SBF2: variants seen among roughly 807,000 people sequenced by gnomAD.
SBF2 encodes myotubularin-related protein 13.
SBF2 carries 112 observed loss-of-function variants against 225.2 expected under a neutral mutation model. The observed-to-expected ratio is 0.50, with a 90% CI of 0.43 to 0.58. The LOEUF is 0.58. Ranked by LOEUF, SBF2 falls within the 20% of genes least tolerant of loss-of-function variation. The pLI, the probability that SBF2 is intolerant of heterozygous loss-of-function variation, is 0.00. For missense variants in SBF2, 1,996 were observed against 2,206.2 expected, an observed-to-expected ratio of 0.90 and a Z score of 1.91; for synonymous variants, 763 against 773.3, an observed-to-expected ratio of 0.99 and a Z score of 0.22.
At chr11:9,880,441 C>T (rs535851568) in intron 17 of SBF2, among the ~76,000 whole-genome samples, 1 of 152,306 alleles carries the variant, frequency 6.6e-6, no homozygotes, top group African/African-American at 2.4e-5. Flanking sequence ...GAGGCTGCCC[C>T]TTAGATGGGA....
chr11:10,304,262 C>A (rs1204313263), intron 1 of SBF2, among the ~76,000 whole-genome samples: 1 of 152,124 alleles, frequency 6.6e-6, no homozygotes, highest in Non-Finnish European at 1.5e-5. Flanking sequence ...TCAGTCCTCA[C>A]GTTTACGATG....
chr11:10,060,478 T>C (rs181102724), intron 2 of SBF2, among the ~76,000 whole-genome samples: 1 of 152,278 alleles, frequency 6.6e-6, no homozygotes. Flanking sequence ...AATATTCCTA[T>C]AGAAACTATT....
At chr11:9,939,404 C>A (rs1372718598) in intron 16 of SBF2, among the ~76,000 whole-genome samples, 1 of 152,032 alleles carries the variant, frequency 6.6e-6, no homozygotes, top group African/African-American at 2.4e-5. Flanking sequence ...CCTAAACATG[C>A]ATTTAAAATA....
chr11:9,875,760 G>A (rs1323143475), intron 17 of SBF2, among the ~76,000 whole-genome samples: 3 of 152,208 alleles, frequency 2.0e-5, no homozygotes, highest in Non-Finnish European at 4.4e-5. Flanking sequence ...GGAGGGGTAG[G>A]AGAAATTGAA....
chr11:9,934,405 G>A (rs1169792605), intron 16 of SBF2, among the ~76,000 whole-genome samples: 1 of 152,144 alleles, frequency 6.6e-6, no homozygotes, highest in African/African-American at 2.4e-5. Flanking sequence ...CATTCCTTCT[G>A]AAACTCTTCC....
chr11:9,856,387 ATAT>A (rs1857314537), intron 19 of SBF2, 68 bp downstream of exon 19: 1 of 1,589,482 alleles, frequency 6.3e-7, no homozygotes, highest in African/African-American at 1.3e-5. Context: ...AAAATGTTTA[ATAT>A]TATCTGTCAA....
Position 10,133,382 on chromosome 11 carries a change from C to T in SBF2, c.141+60520G>A, listed in dbSNP as rs547007814. On this transcript the variant is annotated intron_variant, in intron 2 of 39. Coordinates refer to ENST00000256190, the MANE Select transcript of SBF2 (RefSeq NM_030962.4). ...TGGTGCTTGTCGGGGAGGCTCGGGC[C>T]GCACAGGAGCCCATGGAGTGGGTGG... 2.4e-4 allele frequency among the ~76,000 whole-genome samples: 36 copies of T among 149,588 alleles called. 1 individual carries two copies. Among genetic ancestry groups the T allele is most frequent in the African/African-American group, 7.4e-4 (30 of 40,678 alleles).
intron 16 of SBF2, among the ~76,000 whole-genome samples, chr11:9,901,206 T>A (rs1031912204): frequency 6.6e-6 from 1 of 152,180 alleles, no homozygotes; most frequent in Non-Finnish European, 1.5e-5. Flanking sequence ...GACCAAAATA[T>A]AAGTAGAAAC....
intron 17 of SBF2, among the ~76,000 whole-genome samples, chr11:9,866,765 A>C (rs1242649164): frequency 6.6e-6 from 1 of 152,362 alleles, no homozygotes; most frequent in Non-Finnish European, 1.5e-5. Flanking sequence ...TCCATAGCAA[A>C]GGAAACAATT....
chr11:9,839,565 A>G lies in SBF2; in HGVS notation c.3388T>C (p.Ser1130Pro), dbSNP rs1474888307. The change falls in exon 26 of 40, where the codon TCT becomes CCT. Residue 1130 changes from serine (S) to proline (P), a missense_variant. Coordinates refer to ENST00000256190, the MANE Select transcript of SBF2 (RefSeq NM_030962.4). ...RLGLGTISGS[S>P]SRSRPEYFRI... Reference sequence around the variant, plus strand: ...AAATACTCGGGTCTTGAACGGGAAGAGCTGCCACTTATGGTTCCTAAACCT... The same window carrying G: ...AAATACTCGGGTCTTGAACGGGAAGGGCTGCCACTTATGGTTCCTAAACCT... 6.2e-7 allele frequency: 1 copy of G among 1,614,176 alleles called. No individual in the cohort carries two copies. Among genetic ancestry groups the G allele is most frequent in the East Asian group, 2.2e-5 (1 of 44,878 alleles).
At chr11:10,112,826 T>C (rs1590983344) in intron 2 of SBF2, among the ~76,000 whole-genome samples, 1 of 148,618 alleles carries the variant, frequency 6.7e-6, no homozygotes, top group Non-Finnish European at 1.5e-5. Context: ...TACTGAAGTA[T>C]GCTGACAACA....
At chr11:9,999,331 A>ATGTAT (rs1554979974) in intron 8 of SBF2, among the ~76,000 whole-genome samples, 12 of 140,852 alleles carry the variant, frequency 8.5e-5, no homozygotes, top group African/African-American at 2.7e-4. Context: ...GTATGTATGT[A>ATGTAT]TTTATTTTTG....
At chr11:9,882,808 A>C (rs1447808596) in intron 17 of SBF2, among the ~76,000 whole-genome samples, 5 of 83,740 alleles carry the variant, frequency 6.0e-5, no homozygotes, top group African/African-American at 3.2e-4. Flanking sequence ...AAAAAAAAAA[A>C]AAAAAAAAAA....
intron 16 of SBF2, among the ~76,000 whole-genome samples, chr11:9,942,175 C>G (rs1241743356): frequency 6.6e-6 from 1 of 152,178 alleles, no homozygotes; most frequent in East Asian, 1.9e-4. Context: ...TCAAGTGATT[C>G]TCCCATCTCA....
intron 16 of SBF2, among the ~76,000 whole-genome samples, chr11:9,926,399 G>A (rs1334343215): frequency 6.6e-6 from 1 of 151,804 alleles, no homozygotes; most frequent in Non-Finnish European, 1.5e-5. Context: ...AAAGCAAAAG[G>A]ATGGCCCCTA....
intron 2 of SBF2, among the ~76,000 whole-genome samples, chr11:10,139,496 A>G (rs1469340362): frequency 2.0e-5 from 3 of 152,216 alleles, no homozygotes; most frequent in Non-Finnish European, 2.9e-5. Context: ...CCTTGCATTT[A>G]TTACACTTTC....
chr11:10,303,793 C>G lies in SBF2; in HGVS notation n.386+699G>C, dbSNP rs1401433119. The G allele has an allele frequency of 6.6e-6, 1 of 152,262 alleles. No homozygotes were observed. Among genetic ancestry groups the G allele is most frequent in the Non-Finnish European group, 1.5e-5 (1 of 68,102 alleles). The allele number at this position is 152,262 out of a possible 1,614,324, so 9.4% of individuals were successfully genotyped here. ...CCCACAAGCACGAAGCAGGAAGCCC[C>G]GTGGCTTAGCCTTTCCTTCCCAGTT... On this transcript the variant is annotated intron_variant and non_coding_transcript_variant, in intron 1 of 5. Transcript: ENST00000685217. The surrounding 1 kb of genome is among the most constrained non-coding windows in gnomAD (Gnocchi z 5.2).
intron 1 of SBF2, among the ~76,000 whole-genome samples, chr11:10,242,055 G>A (rs535483368): frequency 1.3e-5 from 2 of 151,670 alleles, no homozygotes; most frequent in South Asian, 4.2e-4. Flanking sequence ...AGGCAGGTGT[G>A]TTAGGTCCTA....
chr11:10,266,959 T>A (rs1962056134), intron 1 of SBF2, among the ~76,000 whole-genome samples: 1 of 152,176 alleles, frequency 6.6e-6, no homozygotes, highest in South Asian at 2.1e-4. Flanking sequence ...CCAAGTGTAG[T>A]GGCACATGCC....
Sources: allele counts gnomAD v4.1 joint callset (sites outside exome capture counted in the v4.1 genomes callset), GRCh38; gene constraint gnomAD v4.1.1; non-coding constraint Gnocchi (gnomAD v3.1); transcripts MANE v1.5; gene names NCBI Gene and HGNC (gene_info 2026-07-23, HGNC 2026-07-21).